Variants in NQO1 observed in about 807,000 individuals in gnomAD.
NQO1 encodes the protein NAD(P)H dehydrogenase [quinone] 1.
Under a neutral mutation model 32.1 loss-of-function variants are expected in NQO1, and 30 were observed. That is an observed-to-expected ratio of 0.94 (90% CI 0.70 to 1.27). The LOEUF (loss-of-function observed/expected upper bound fraction) is 1.27. Ranked by LOEUF, NQO1 falls within the 50% of genes most tolerant of loss-of-function variation. The pLI, the probability that NQO1 is intolerant of heterozygous loss-of-function variation, is 0.00. For synonymous variants in NQO1, 109 were observed against 119.7 expected (o/e 0.91, Z 0.59); for missense variants, 276 against 331.3 (o/e 0.83, Z 1.30).
At chr16:69,715,191 C>T (rs889173115) in intron 3 of NQO1, 114 bp from the exon 4 acceptor site, 2 of 739,586 alleles carry the variant, frequency 2.7e-6, no homozygotes, top group African/African-American at 1.7e-5. Context: ...CCCCTCTTCA[C>T]ACCTTTCCCA....
intron 1 of NQO1, among the ~76,000 whole-genome samples, chr16:69,726,128 T>A (rs761865610): frequency 1.3e-5 from 2 of 152,218 alleles, no homozygotes; most frequent in Non-Finnish European, 2.9e-5. Context: ...TAAGCCTGAT[T>A]TGGCCTCTGA....
In NQO1 at chr16:69,710,861, T is replaced by G; in HGVS notation, c.*115A>C. ...ACGAATACAGTCGATTCCCTCTCAT[T>G]TATTCCTTGTGGAAAAAGAAAAACA... On this transcript the variant is annotated 3_prime_UTR_variant, in exon 6 of 6. Coordinates refer to ENST00000320623, the MANE Select transcript of NQO1 (RefSeq NM_000903.3). The G allele has an allele frequency of 4.4e-6, 5 of 1,143,794 alleles. No homozygotes were observed. The highest frequency in any genetic ancestry group is 4.9e-6 in the Non-Finnish European group (4 of 815,340). 70.9% of individuals were successfully genotyped at this position (1,143,794 alleles called of 1,614,324 possible). A position where few individuals can be genotyped will look rare whatever the true frequency, so the allele number is the denominator to read the frequency against.
chr16:69,721,343 C>T (rs2038186806), intron 1 of NQO1, among the ~76,000 whole-genome samples: 1 of 152,064 alleles, frequency 6.6e-6, no homozygotes, highest in Non-Finnish European at 1.5e-5. Context: ...GGATTAAGGC[C>T]CTCATAAAAG....
rs763837073 is a variant in NQO1, at chr16:69,718,442, C to CT, written c.99dup (p.Gly34ArgfsTer26). 6.6e-5 allele frequency: 107 copies of CT among 1,614,150 alleles called. No individual in the cohort carries two copies. The highest frequency in any genetic ancestry group is 8.3e-5 in the Admixed American group (5 of 60,016). Reference sequence around the variant, plus strand: ...AGGTCCGACTCCACCACCTCCCATCCTTTCTTCTTCAAAGCCGCTGCAGCA... The same window carrying CT: ...AGGTCCGACTCCACCACCTCCCATCCTTTTCTTCTTCAAAGCCGCTGCAGCA... On this transcript the variant is annotated frameshift_variant, in exon 2 of 6. Transcript: ENST00000320623. LOFTEE classifies it high-confidence loss of function.
intron 3 of NQO1, 64 bp downstream of exon 3, chr16:69,718,058 AG>A: frequency 6.3e-7 from 1 of 1,588,718 alleles, no homozygotes; most frequent in South Asian, 1.1e-5. Context: ...ATAGCTAATT[AG>A]GTACATGTCT....
Position 69,716,695 on chromosome 16 carries a change from A to T in NQO1, c.303+1428T>A, listed in dbSNP as rs563525442. 2.6e-5 allele frequency among the ~76,000 whole-genome samples: 4 copies of T among 152,130 alleles called. No homozygotes were observed. The South Asian group carries it at 8.3e-4, about 32-fold the overall frequency. On this transcript the variant is annotated intron_variant, in intron 3 of 5. Transcript: ENST00000320623. Reference sequence around the variant, plus strand: ...AAGATATGAAAGGCACATGCCTATAATCCCAGCCTTTTGGGAGGTCCAGGC... The same window carrying T: ...AAGATATGAAAGGCACATGCCTATATTCCCAGCCTTTTGGGAGGTCCAGGC...
chr16:69,716,045 C>G (rs2038107944), intron 3 of NQO1, among the ~76,000 whole-genome samples: 1 of 151,250 alleles, frequency 6.6e-6, no homozygotes, highest in African/African-American at 2.4e-5. Flanking sequence ...GTGCACATCT[C>G]TAGTCCCAGC....
intron 1 of NQO1, 73 bp downstream of exon 1, chr16:69,726,360 C>A: frequency 6.3e-7 from 1 of 1,589,936 alleles, no homozygotes; most frequent in African/African-American, 1.4e-5. Flanking sequence ...AGGGCCAAGC[C>A]CCTACAACCT....
At chr16:69,722,667 T>G (rs2038208062) in intron 1 of NQO1, among the ~76,000 whole-genome samples, 2 of 152,198 alleles carry the variant, frequency 1.3e-5, no homozygotes, top group African/African-American at 4.8e-5. Context: ...CCTAGGGTTT[T>G]GGACTCTTAA....
chr16:69,724,931 C>G (rs546164381), intron 1 of NQO1, among the ~76,000 whole-genome samples: 2 of 152,290 alleles, frequency 1.3e-5, no homozygotes, highest in East Asian at 3.9e-4. Context: ...CACCTCATTA[C>G]CACCGCCCTT....
At chr16:69,712,187 C>G (rs2038050488) in intron 5 of NQO1, among the ~76,000 whole-genome samples, 2 of 151,966 alleles carry the variant, frequency 1.3e-5, no homozygotes, top group African/African-American at 4.8e-5. Flanking sequence ...TCCTGGGTCT[C>G]TCACTTTAGA....
intron 1 of NQO1, among the ~76,000 whole-genome samples, chr16:69,722,267 G>A (rs2038202546): frequency 1.3e-5 from 2 of 152,118 alleles, no homozygotes; most frequent in Admixed American, 6.5e-5. Context: ...GGGTTCAAGC[G>A]ATTCTCCTTC....
At chr16:69,716,497 C>T (rs1397482589) in intron 3 of NQO1, among the ~76,000 whole-genome samples, 2 of 151,002 alleles carry the variant, frequency 1.3e-5, no homozygotes, top group African/African-American at 2.4e-5. Flanking sequence ...ATCTCAAAAA[C>T]AAATAAATAA....
Position 69,710,874 on chromosome 16 carries a change from A to T in NQO1, c.*102T>A, listed in dbSNP as rs941396507. The T allele has an allele frequency of 3.1e-6, 4 of 1,292,360 alleles. No homozygotes were observed. The African/African-American group carries it at 6.0e-5, about 19-fold the overall frequency. 80.1% of individuals were successfully genotyped at this position (1,292,360 alleles called of 1,614,324 possible). A position where few individuals can be genotyped will look rare whatever the true frequency, so the allele number is the denominator to read the frequency against. On this transcript the variant is annotated 3_prime_UTR_variant, in exon 6 of 6. Coordinates refer to ENST00000320623, the MANE Select transcript of NQO1 (RefSeq NM_000903.3). ...ATTCCCTCTCATTTATTCCTTGTGG[A>T]AAAAGAAAAACACAAATCTTAAAAA... is the stretch of plus-strand genomic sequence containing the variant.
intron 1 of NQO1, among the ~76,000 whole-genome samples, chr16:69,721,114 G>A (rs188180740): frequency 6.7e-6 from 1 of 149,250 alleles, no homozygotes; most frequent in Non-Finnish European, 1.5e-5. Context: ...GAGCCGTGTT[G>A]CCCAGGCTGG....
intron 1 of NQO1, among the ~76,000 whole-genome samples, chr16:69,725,803 G>A (rs2038253437): frequency 6.6e-6 from 1 of 152,234 alleles, no homozygotes; most frequent in East Asian, 1.9e-4. Context: ...GAACCCGGGA[G>A]GCGGAAGTTT....
At chr16:69,722,960 C>T (rs994370357) in intron 1 of NQO1, among the ~76,000 whole-genome samples, 1 of 152,216 alleles carries the variant, frequency 6.6e-6, no homozygotes. Flanking sequence ...CAGAGTTTCG[C>T]TCTGTCGCCC....
chr16:69,718,971 G>A (rs572658603), intron 1 of NQO1, among the ~76,000 whole-genome samples: 1 of 150,794 alleles, frequency 6.6e-6, no homozygotes, highest in Admixed American at 6.6e-5. Context: ...GGAGGGGGAG[G>A]TTGCAGTGAG....
At chr16:69,711,355 T>C in intron 5 of NQO1, 74 bp from the exon 6 acceptor site, 1 of 1,316,122 alleles carries the variant, frequency 7.6e-7, no homozygotes, top group Non-Finnish European at 1.1e-6. Context: ...CAGAAGTTGG[T>C]CTGGGCTTCT....
Sources: allele counts gnomAD v4.1 joint callset (sites outside exome capture counted in the v4.1 genomes callset), GRCh38; gene constraint gnomAD v4.1.1; transcripts MANE v1.5; gene names NCBI Gene and HGNC (gene_info 2026-07-23, HGNC 2026-07-21).